NAA25: variants seen among roughly 807,000 people sequenced by gnomAD.
NAA25 encodes N-terminal acetyltransferase B complex subunit NAA25.
In NAA25, 30 loss-of-function variants were observed where a neutral mutation model predicts 132.5. The ratio of observed to expected loss-of-function variants is 0.23; its 90% confidence interval spans 0.17 to 0.31. NAA25 has a LOEUF of 0.31. Among genes scored for constraint, NAA25 ranks in the 10% least tolerant of loss-of-function variants. The pLI, the probability that NAA25 is intolerant of heterozygous loss-of-function variation, is 1.00. For missense variants in NAA25, 771 were observed against 1,150.4 expected, an observed-to-expected ratio of 0.67 and a Z score of 4.77; for synonymous variants, 359 against 401.9, an observed-to-expected ratio of 0.89 and a Z score of 1.28.
At chr12:112,036,789 A>G (rs1000163961) in intron 22 of NAA25, among the ~76,000 whole-genome samples, 2 of 151,068 alleles carry the variant, frequency 1.3e-5, no homozygotes, top group African/African-American at 4.9e-5. Context: ...TGGAGGTTGT[A>G]GTGATTGCGC....
chr12:112,080,103 AC>A (rs1566023670), intron 5 of NAA25, among the ~76,000 whole-genome samples: 1 of 151,464 alleles, frequency 6.6e-6, no homozygotes, highest in African/African-American at 2.4e-5. Context: ...ACATGGTGAA[AC>A]CCCATCTCTA....
chr12:112,088,018 T>G (rs909522960), intron 3 of NAA25, among the ~76,000 whole-genome samples: 2 of 152,128 alleles, frequency 1.3e-5, no homozygotes, highest in African/African-American at 2.4e-5. Flanking sequence ...ATATAAGACC[T>G]TATAGGATCT....
At chr12:112,030,210 C>CAAAAA (rs67757055) in intron 23 of NAA25, among the ~76,000 whole-genome samples, 2 of 53,396 alleles carry the variant, frequency 3.7e-5, no homozygotes, top group East Asian at 4.7e-4. Context: ...AAAGCTGTCT[C>CAAAAA]AAAAAAAAAA....
intron 11 of NAA25, among the ~76,000 whole-genome samples, chr12:112,064,827 G>A (rs2078690786): frequency 6.6e-6 from 1 of 151,852 alleles, no homozygotes; most frequent in African/African-American, 2.4e-5. Context: ...TTGAGGTCGG[G>A]AGTTCGAGAC....
intron 13 of NAA25, 25 bp downstream of exon 13, chr12:112,060,245 T>C (rs753039520): frequency 1.1e-5 from 17 of 1,525,956 alleles, no homozygotes; most frequent in Admixed American, 7.2e-5. Context: ...AAAAGTAAAG[T>C]TGAACTGAAA....
At chr12:112,095,592 C>G (rs1190277300) in intron 1 of NAA25, among the ~76,000 whole-genome samples, 1 of 138,640 alleles carries the variant, frequency 7.2e-6, no homozygotes, top group Non-Finnish European at 1.5e-5. Context: ...AAGACCTTGT[C>G]TCAAAAAAAA....
At chr12:112,032,383 T>C (rs1170315499) in intron 23 of NAA25, among the ~76,000 whole-genome samples, 1 of 152,220 alleles carries the variant, frequency 6.6e-6, no homozygotes, top group East Asian at 1.9e-4. Flanking sequence ...GGGCTTACAA[T>C]CTCTTAAGGC....
At chr12:112,039,100 C>T (rs915795171) in intron 22 of NAA25, 129 bp downstream of exon 22, 53 of 489,768 alleles carry the variant, frequency 1.1e-4, no homozygotes, top group East Asian at 1.0e-3. Flanking sequence ...TCAAAGTCAT[C>T]GTGGGCCATG....
chr12:112,080,647 C>T (rs914558121), intron 5 of NAA25, among the ~76,000 whole-genome samples: 3 of 151,956 alleles, frequency 2.0e-5, no homozygotes, highest in Non-Finnish European at 4.4e-5. Context: ...ATTACAGGCA[C>T]ATGCCACCAT....
chr12:112,048,061 C>T (rs1398697354), intron 16 of NAA25, among the ~76,000 whole-genome samples: 1 of 152,120 alleles, frequency 6.6e-6, no homozygotes, highest in Non-Finnish European at 1.5e-5. Flanking sequence ...ACAATATGGA[C>T]CAGGCATTGA....
chr12:112,075,819 G>C (rs532613117), intron 7 of NAA25, 30 bp from the exon 8 acceptor site: 1 of 1,580,168 alleles, frequency 6.3e-7, no homozygotes, highest in African/African-American at 1.3e-5. Context: ...AAGTTGGTAA[G>C]CTGGTTTCAT....
intron 7 of NAA25, among the ~76,000 whole-genome samples, chr12:112,076,545 T>C (rs565424463): frequency 6.6e-6 from 1 of 152,192 alleles, no homozygotes; most frequent in South Asian, 2.1e-4. Context: ...ATCAAATCTT[T>C]CCAAACAACT....
chr12:112,063,017 G>A (rs2078660693), intron 11 of NAA25, among the ~76,000 whole-genome samples: 2 of 150,862 alleles, frequency 1.3e-5, no homozygotes, highest in African/African-American at 2.4e-5. Flanking sequence ...CCATCATTGC[G>A]CCATTACACT....
At chr12:112,100,752 T>C (rs1426966851) in intron 1 of NAA25, among the ~76,000 whole-genome samples, 1 of 151,576 alleles carries the variant, frequency 6.6e-6, no homozygotes, top group African/African-American at 2.4e-5. Context: ...CCGGAGTAGC[T>C]GGGACTACAG....
At chr12:112,073,823 G>GA (rs912449552) in intron 9 of NAA25, among the ~76,000 whole-genome samples, 25 of 148,518 alleles carry the variant, frequency 1.7e-4, no homozygotes, top group East Asian at 1.4e-3. Context: ...AAGGACAAAG[G>GA]AAAAAAAAAG....
rs759382309 is a variant in NAA25, at chr12:112,054,439, A to G, written c.1577T>C (p.Val526Ala). The change falls in exon 14 of 24, where the codon GTG (valine) becomes GCG (alanine). Residue 526 changes from valine (V) to alanine (A), a missense_variant. Coordinates refer to ENST00000261745, the MANE Select transcript of NAA25 (RefSeq NM_024953.4). ...YCMLGAFEPVVDLYSSLDAKH... is the reference protein window; with the variant it reads ...YCMLGAFEPVADLYSSLDAKH... ...AGCATCGAGGCTGGAGTAAAGATCC[A>G]CCACTGGTTCAAATGCACCCAGCAT... 1.1e-5 allele frequency: 18 copies of G among 1,614,074 alleles called. No individual in the cohort carries two copies. Among genetic ancestry groups the G allele is most frequent in the Admixed American group, 6.7e-5 (4 of 60,004 alleles).
chr12:112,031,418 T>C (rs931335003), intron 23 of NAA25, among the ~76,000 whole-genome samples: 18 of 152,382 alleles, frequency 1.2e-4, no homozygotes, highest in South Asian at 4.1e-4. Context: ...AGGCCGATTA[T>C]TGCTTTGTTT....
Position 112,043,330 on chromosome 12 carries a change from T to A in NAA25, c.2251-119A>T, listed in dbSNP as rs138803173. The A allele has an allele frequency of 2.2e-4, 226 of 1,027,012 alleles. No individual in the cohort carries two copies. In the African/African-American group the frequency reaches 3.1e-3, roughly 14 times the overall value. 63.6% of individuals were successfully genotyped at this position (1,027,012 alleles called of 1,614,324 possible). A position where few individuals can be genotyped will look rare whatever the true frequency, so the allele number is the denominator to read the frequency against. Reference sequence around the variant, plus strand: ...CAGCGGTTCAGCTAAAAGCCACTAATCAGCAAACTAATAACTGAATCATTA... The same window carrying A: ...CAGCGGTTCAGCTAAAAGCCACTAAACAGCAAACTAATAACTGAATCATTA... On this transcript the variant is annotated intron_variant, in intron 18 of 23. Transcript: ENST00000261745.
rs780758982 is a variant in NAA25 at position 112,078,617 on chromosome 12, A to C, written c.585+17T>G. ...GCAAAAAAATGAAAACACAAAAGTA[A>C]GGCTTAAAATACTCACTTCAGCCTC... is the stretch of plus-strand genomic sequence containing the variant. On this transcript the variant is annotated intron_variant, in intron 6 of 23. Coordinates refer to ENST00000261745, the MANE Select transcript of NAA25 (RefSeq NM_024953.4). 5.0e-6 allele frequency: 8 copies of C among 1,593,944 alleles called. No homozygotes were observed. In the Admixed American group the frequency reaches 1.0e-4, roughly 20 times the overall value.
Sources: allele counts gnomAD v4.1 joint callset (sites outside exome capture counted in the v4.1 genomes callset), GRCh38; gene constraint gnomAD v4.1.1; transcripts MANE v1.5; gene names NCBI Gene and HGNC (gene_info 2026-07-23, HGNC 2026-07-21).